The following PCDHA13 variants were observed in gnomAD, a reference collection of about 807,000 sequenced individuals.
PCDHA13 encodes the protein protocadherin alpha 13, also known as protocadherin alpha-13.
Under a neutral mutation model 64.8 loss-of-function variants are expected in PCDHA13, and 54 were observed. That is an observed-to-expected ratio of 0.83 (90% CI 0.67 to 1.04). The LOEUF (loss-of-function observed/expected upper bound fraction) is 1.04, where lower values mean the gene tolerates loss of function less well. PCDHA13 is among the 50% of genes least tolerant of loss of function. The probability of loss-of-function intolerance (pLI) is 0.00; values close to 1 mark genes in which losing one functional copy is unlikely to be tolerated. For missense variants in PCDHA13, 1,248 were observed against 1,254.3 expected (o/e 0.99, Z 0.08); for synonymous variants, 587 against 564.4 (o/e 1.04, Z -0.57).
intron 3 of PCDHA13, among the ~76,000 whole-genome samples, chr5:140,994,758 G>A (rs150618369): frequency 1.3e-5 from 2 of 152,248 alleles, no homozygotes; most frequent in East Asian, 3.9e-4. Flanking sequence ...GATGTGGAGA[G>A]GAAGAGAATT....
intron 1 of PCDHA13, among the ~76,000 whole-genome samples, chr5:140,905,229 G>A (rs2071688415): frequency 6.6e-6 from 1 of 152,156 alleles, no homozygotes; most frequent in African/African-American, 2.4e-5. Flanking sequence ...TGAGAGATGA[G>A]GATCCAGTTT....
intron 1 of PCDHA13, among the ~76,000 whole-genome samples, chr5:140,919,535 ACTTTT>A (rs1310340464): frequency 1.3e-5 from 2 of 151,732 alleles, no homozygotes; most frequent in Non-Finnish European, 2.9e-5. Flanking sequence ...TTTTTCCTAT[ACTTTT>A]CATTTACTGA....
chr5:140,967,342 C>T (rs149890293), intron 1 of PCDHA13: 40 of 1,607,992 alleles, frequency 2.5e-5, no homozygotes, highest in Non-Finnish European at 3.4e-5. Context: ...CCAGCGAGCA[C>T]TTCGAGCTGG....
chr5:140,995,372 G>A (rs1363484150), intron 3 of PCDHA13, among the ~76,000 whole-genome samples: 3 of 152,168 alleles, frequency 2.0e-5, no homozygotes, highest in African/African-American at 7.2e-5. Context: ...GATGATTCAC[G>A]TACTGGGCAG....
At chr5:140,926,964 C>T (rs149218057) in intron 1 of PCDHA13, 1 of 1,606,346 alleles carries the variant, frequency 6.2e-7, no homozygotes, top group Non-Finnish European at 8.5e-7. Flanking sequence ...AGCTCGAGTA[C>T]TCAGTGCCGG....
At chr5:140,907,391 A>G (rs1455875344) in intron 1 of PCDHA13, among the ~76,000 whole-genome samples, 2 of 152,214 alleles carry the variant, frequency 1.3e-5, no homozygotes, top group African/African-American at 2.4e-5. Context: ...GGTCAAAGGC[A>G]ATGCTGTGTG....
At chr5:140,888,213 T>A (rs1460298215) in intron 1 of PCDHA13, among the ~76,000 whole-genome samples, 1 of 152,170 alleles carries the variant, frequency 6.6e-6, no homozygotes, top group East Asian at 1.9e-4. Context: ...CTGGATTTTG[T>A]GTGTGTGTGC....
At chr5:140,886,405 GT>G (rs2060969795) in intron 1 of PCDHA13, among the ~76,000 whole-genome samples, 1 of 151,966 alleles carries the variant, frequency 6.6e-6, no homozygotes, top group Admixed American at 6.6e-5. Context: ...TCACAAATAT[GT>G]TTTCCTCCTA....
intron 1 of PCDHA13, chr5:140,966,755 C>G: frequency 2.8e-6 from 4 of 1,434,520 alleles, no homozygotes; most frequent in Non-Finnish European, 1.8e-6. Flanking sequence ...GCCTCCGCCG[C>G]GGCCAGTGGC....
chr5:140,946,631 T>TATATATATATATATATATATACAC lies in PCDHA13; in HGVS notation c.2395-32317_2395-32316insTATATATATATATATATATACACA, dbSNP rs57893927. Among the ~76,000 whole-genome samples, 100 of 131,838 alleles carry TATATATATATATATATATATACAC rather than the reference T, an allele frequency of 7.6e-4. 3 individuals carry two copies. Among genetic ancestry groups the TATATATATATATATATATATACAC allele is most frequent in the African/African-American group, 2.6e-3 (76 of 28,714 alleles). The allele number at this position is 131,838 out of a possible 152,430, so 86.5% of individuals were successfully genotyped here. A position where few individuals can be genotyped will look rare whatever the true frequency, so the allele number is the denominator to read the frequency against. On this transcript the variant is annotated intron_variant, in intron 1 of 3. Transcript: ENST00000289272. ...TGTGAAATATATATATATATATATA[T>TATATATATATATATATATATACAC]ACAATGGAATACTCATCAGCCATTA...
At chr5:140,926,115 A>G (rs1554203115) in intron 1 of PCDHA13, among the ~76,000 whole-genome samples, 1 of 152,134 alleles carries the variant, frequency 6.6e-6, no homozygotes, top group East Asian at 1.9e-4. Context: ...AGGGTGCAGG[A>G]CAGACTTCAA....
rs545348313 is a variant in PCDHA13, at chr5:140,968,526, C to T, written c.2395-10423C>T. ...ATTCTGTACCCTACCTCAACCAACTCGTCAGCAGCCTTCGAGATGGTGCCT... is the reference window on the plus strand; with the variant it reads ...ATTCTGTACCCTACCTCAACCAACTTGTCAGCAGCCTTCGAGATGGTGCCT... On this transcript the variant is annotated intron_variant, in intron 1 of 3. Transcript: ENST00000289272. 9.9e-6 allele frequency: 16 copies of T among 1,614,200 alleles called. No individual in the cohort carries two copies. The Admixed American group carries it at 1.3e-4, about 13-fold the overall frequency.
At position 140,885,311 on chromosome 5, in the gene PCDHA13, T is replaced by C. The variant is rs3776122; in HGVS notation, c.2394+649T>C. On this transcript the variant is annotated intron_variant, in intron 1 of 3. Transcript: ENST00000289272. Reference sequence around the variant, plus strand: ...AGAGAGAGACCTGGTAGGCTTTTTGTTATTATTTCTTTTCCAAAGTTTGAA... The same window carrying C: ...AGAGAGAGACCTGGTAGGCTTTTTGCTATTATTTCTTTTCCAAAGTTTGAA... Among the ~76,000 whole-genome samples, 52 of 152,304 alleles carry C rather than the reference T, an allele frequency of 3.4e-4. No individual in the cohort carries two copies. In the East Asian group the frequency reaches 7.5e-3, roughly 22 times the overall value.
Position 140,922,465 on chromosome 5 carries a change from T to C in PCDHA13, c.2394+37803T>C, listed in dbSNP as rs116670359. ...CATTATCCTATTTGTCAACACAAAA[T>C]AGGAGAGAAGGCAGGACTAAATCTG... On this transcript the variant is annotated intron_variant, in intron 1 of 3. Transcript: ENST00000289272. Among the ~76,000 whole-genome samples the C allele has an allele frequency of 8.9e-3, 1,361 of 152,304 alleles. 16 individuals carry two copies. Among genetic ancestry groups the C allele is most frequent in the African/African-American group, 0.031 (1,303 of 41,562 alleles).
rs551606343 is a variant in PCDHA13 at position 140,977,430 on chromosome 5, G to A, written c.2395-1519G>A. Among the ~76,000 whole-genome samples, 14 of 152,252 alleles carry A rather than the reference G, an allele frequency of 9.2e-5. No homozygotes were observed. The South Asian group carries it at 2.5e-3, about 27-fold the overall frequency. The stretch of plus-strand genomic sequence containing the variant: ...ATTTTCTTTTGTTCCCTCTAACACC[G>A]CTAGTAGATAATGGAAACTCCTTTG... On this transcript the variant is annotated intron_variant, in intron 1 of 3. Coordinates refer to ENST00000289272, the MANE Select transcript of PCDHA13 (RefSeq NM_018904.3).
At chr5:140,968,097 G>A in intron 1 of PCDHA13, 1 of 1,614,112 alleles carries the variant, frequency 6.2e-7, no homozygotes, top group Non-Finnish European at 8.5e-7. Flanking sequence ...GCCACAGATG[G>A]GGGAATACCG....
chr5:140,907,164 G>T (rs1554192895), intron 1 of PCDHA13, among the ~76,000 whole-genome samples: 2 of 152,098 alleles, frequency 1.3e-5, no homozygotes, highest in Non-Finnish European at 2.9e-5. Context: ...ACCATATATT[G>T]GATGCTGATT....
chr5:140,966,888 C>A, intron 1 of PCDHA13: 13 of 1,593,128 alleles, frequency 8.2e-6, no homozygotes, highest in Non-Finnish European at 1.1e-5. Context: ...GGCCCTGCGG[C>A]CTCCCAGCTG....
rs155802 is a variant in PCDHA13, at chr5:140,917,330, A to C, written c.2394+32668A>C. 5.0e-3 allele frequency among the ~76,000 whole-genome samples: 514 copies of C among 103,230 alleles called. 31 individuals carry two copies. The highest frequency in any genetic ancestry group is 8.4e-3 in the Non-Finnish European group (403 of 48,222). The allele number at this position is 103,230 out of a possible 152,430, so 67.7% of individuals were successfully genotyped here. A position where few individuals can be genotyped will look rare whatever the true frequency, so the allele number is the denominator to read the frequency against. On this transcript the variant is annotated intron_variant, in intron 1 of 3. Coordinates refer to ENST00000289272, the MANE Select transcript of PCDHA13 (RefSeq NM_018904.3). ...CAATTTGGTGTTCATGTGGCGGGGG[A>C]GGGGGGGGATGGTGTAGGCTTCTGT...
Sources: gnomAD v4.1 joint callset for allele counts (sites outside exome capture counted in the v4.1 genomes callset) on GRCh38, gnomAD v4.1.1 for gene constraint, MANE v1.5 for transcripts, NCBI Gene and HGNC (gene_info 2026-07-23, HGNC 2026-07-21) for gene names.